The following SHPK variants were observed in gnomAD, a reference collection of about 807,000 sequenced individuals.
The protein encoded by SHPK is sedoheptulokinase, also known as carbohydrate kinase-like protein.
A neutral mutation model predicts 46.3 loss-of-function variants in SHPK; 51 were observed. The observed-to-expected ratio is 1.10, with a 90% CI of 0.88 to 1.39. SHPK has a LOEUF of 1.39. Among genes scored for constraint, SHPK ranks in the 40% most tolerant of loss-of-function variants. SHPK has a pLI of 0.00. For missense variants in SHPK, 668 were observed against 641.3 expected (o/e 1.04, Z -0.45); for synonymous variants, 290 against 273.9 (o/e 1.06, Z -0.58).
At chr17:3,624,305 T>G in intron 2 of SHPK, 74 bp from the exon 3 acceptor site, 2 of 1,343,872 alleles carry the variant, frequency 1.5e-6, no homozygotes, top group Non-Finnish European at 1.0e-6. Flanking sequence ...GATACTACTC[T>G]GCTGGTGAGT....
At chr17:3,623,565 C>G in intron 3 of SHPK, 74 bp from the exon 4 acceptor site, 1 of 1,451,454 alleles carries the variant, frequency 6.9e-7, no homozygotes, top group Non-Finnish European at 9.7e-7. Flanking sequence ...TAGCTGCAGG[C>G]AGCAGGGACC....
chr17:3,614,699 T>A (rs549294744), intron 6 of SHPK, among the ~76,000 whole-genome samples: 2 of 150,012 alleles, frequency 1.3e-5, no homozygotes, highest in Non-Finnish European at 3.0e-5. Flanking sequence ...AAGACAAAAA[T>A]TTGCCAGGCG....
At chr17:3,625,523 C>CA (rs1231422049) in intron 2 of SHPK, among the ~76,000 whole-genome samples, 22 of 152,284 alleles carry the variant, frequency 1.4e-4, no homozygotes, top group African/African-American at 5.3e-4. Flanking sequence ...CAGGTGAGCC[C>CA]AGCCTCCAGC....
Position 3,610,906 on chromosome 17 carries a change from G to C in SHPK, c.1091C>G (p.Thr364Ser), listed in dbSNP as rs764684490. ...CACTGTCGGGGTGATGGTCAGGTGGGTATCTCTCTGCTGCACAGCTGCCTG... is the reference window on the plus strand; with the variant it reads ...CACTGTCGGGGTGATGGTCAGGTGGCTATCTCTCTGCTGCACAGCTGCCTG... The part of the protein sequence containing the change: ...MIQAAVQQRD[T>S]HLTITPTVLG... Residue 364 changes from threonine (T) to serine (S), a missense_variant, in exon 7 of 7, where the codon ACC becomes AGC. Thr to Ser is a moderately conservative substitution (Grantham distance 58, BLOSUM62 1). Coordinates refer to ENST00000225519, the MANE Select transcript of SHPK (RefSeq NM_013276.4). The C allele has an allele frequency of 6.2e-7, 1 of 1,613,988 alleles. No individual in the cohort carries two copies. Among genetic ancestry groups the C allele is most frequent in the Non-Finnish European group, 8.5e-7 (1 of 1,180,010 alleles).
intron 2 of SHPK, among the ~76,000 whole-genome samples, chr17:3,626,891 A>G (rs939329140): frequency 2.0e-5 from 3 of 146,864 alleles, no homozygotes; most frequent in Non-Finnish European, 2.9e-5. Flanking sequence ...GCAAGACTCC[A>G]TCTCAAAAAA....
At chr17:3,624,439 C>A (rs1403850266) in intron 2 of SHPK, among the ~76,000 whole-genome samples, 2 of 152,036 alleles carry the variant, frequency 1.3e-5, no homozygotes, top group African/African-American at 4.8e-5. Context: ...TCACATACTC[C>A]CTCCATTTGC....
intron 1 of SHPK, among the ~76,000 whole-genome samples, chr17:3,634,399 A>G (rs904597361): frequency 1.3e-5 from 2 of 151,614 alleles, no homozygotes; most frequent in Non-Finnish European, 1.5e-5. Context: ...GTGAAACCCC[A>G]TCTCTACCAA....
chr17:3,631,469 TACAATTTAGTATGACAAAAAATA>T (rs1221424733), intron 1 of SHPK, among the ~76,000 whole-genome samples: 2 of 143,826 alleles, frequency 1.4e-5, no homozygotes, highest in East Asian at 4.7e-4. Context: ...TGCACCGGAC[TACAATTTAGTATGACAAAAAATA>T]TACACTATCT....
intron 1 of SHPK, among the ~76,000 whole-genome samples, chr17:3,633,364 G>A (rs2075484932): frequency 6.6e-6 from 1 of 151,090 alleles, no homozygotes; most frequent in Non-Finnish European, 1.5e-5. Flanking sequence ...GACATTTTTG[G>A]TTGTCACATC....
intron 6 of SHPK, among the ~76,000 whole-genome samples, chr17:3,614,860 A>G (rs909005591): frequency 6.8e-6 from 1 of 147,206 alleles, no homozygotes; most frequent in Non-Finnish European, 1.5e-5. Flanking sequence ...AAAAAAAAAA[A>G]AAGAAGAAGA....
chr17:3,635,193 T>TGAAGGAAGGAAGGAAGGAAG (rs1555555958), intron 1 of SHPK, among the ~76,000 whole-genome samples: 2 of 60,532 alleles, frequency 3.3e-5, no homozygotes, highest in Non-Finnish European at 5.8e-5. Flanking sequence ...AAGGAAAGAA[T>TGAAGGAAGGAAGGAAGGAAG]GAAGGAAGGA....
At chr17:3,611,900 T>A (rs1597565955) in intron 6 of SHPK, among the ~76,000 whole-genome samples, 1 of 146,340 alleles carries the variant, frequency 6.8e-6, no homozygotes, top group Non-Finnish European at 1.5e-5. Flanking sequence ...GCCTCCCGGG[T>A]TCCAGCGATT....
At position 3,610,740 on chromosome 17, in the gene SHPK, G is replaced by A; in HGVS notation, c.1257C>T (p.Leu419=). The A allele has an allele frequency of 6.2e-7, 1 of 1,614,092 alleles. No homozygotes were observed. Among genetic ancestry groups the A allele is most frequent in the East Asian group, 2.2e-5 (1 of 44,874 alleles). ...NLHSMLPIQQ[L]QEWGVERVMG... ...TCACCCTCTCCACGCCCCACTCCTG[G>A]AGCTGCTGAATCGGAAGCATGGAGT... is the stretch of plus-strand genomic sequence containing the variant. Residue 419 remains leucine (L), a synonymous_variant, in exon 7 of 7, where the codon CTC becomes CTT. Coordinates refer to ENST00000225519, the MANE Select transcript of SHPK (RefSeq NM_013276.4).
intron 6 of SHPK, 36 bp from the exon 7 acceptor site, chr17:3,611,008 C>T (rs1269491006): frequency 4.5e-6 from 7 of 1,557,566 alleles, no homozygotes; most frequent in South Asian, 1.2e-5. Context: ...TAAGCTCATG[C>T]GTCCCCCTCA....
chr17:3,634,848 C>T (rs1379047834), intron 1 of SHPK, among the ~76,000 whole-genome samples: 1 of 152,034 alleles, frequency 6.6e-6, no homozygotes, highest in South Asian at 2.1e-4. Context: ...CCTAAACAAC[C>T]GTGTCCATGT....
intron 6 of SHPK, among the ~76,000 whole-genome samples, chr17:3,612,913 G>C (rs2075348720): frequency 6.6e-6 from 1 of 152,148 alleles, no homozygotes; most frequent in South Asian, 2.1e-4. Flanking sequence ...CACCACTCCA[G>C]GCTAATTTTT....
At position 3,624,032 on chromosome 17, in the gene SHPK, G is replaced by C. The variant is rs555867850; in HGVS notation, c.494+16C>G. On this transcript the variant is annotated intron_variant, in intron 3 of 6. Transcript: ENST00000225519. ...CCGGAAACCCAGCACCCGAGTGAAAGTGCAGTTGCCCGTACCGATATTTCA... is the reference window on the plus strand; with the variant it reads ...CCGGAAACCCAGCACCCGAGTGAAACTGCAGTTGCCCGTACCGATATTTCA... 1.9e-6 allele frequency: 3 copies of C among 1,588,144 alleles called. No homozygotes were observed. In the East Asian group the frequency reaches 6.8e-5, roughly 36 times the overall value.
rs1458147205 is a variant in SHPK, at chr17:3,621,617, C to CT, written c.648-206dup. Among the ~76,000 whole-genome samples, 25 of 107,246 alleles carry CT rather than the reference C, an allele frequency of 2.3e-4. No individual in the cohort carries two copies. The South Asian group carries it at 4.6e-3, about 20-fold the overall frequency. The allele number at this position is 107,246 out of a possible 152,430, so 70.4% of individuals were successfully genotyped here. A position where few individuals can be genotyped will look rare whatever the true frequency, so the allele number is the denominator to read the frequency against. ...CTCCATTCCTTCCCTCCCTCCCTCC[C>CT]TCCCTTCCTTCCTTCCTTCCTTCTT... On this transcript the variant is annotated intron_variant, in intron 4 of 6. Coordinates refer to ENST00000225519, the MANE Select transcript of SHPK (RefSeq NM_013276.4).
At position 3,623,464 on chromosome 17, in the gene SHPK, T is replaced by A; in HGVS notation, c.522A>T (p.Ala174=). 1 of 1,614,190 alleles carries A rather than the reference T, an allele frequency of 6.2e-7. No individual in the cohort carries two copies. The highest frequency in any genetic ancestry group is 8.5e-7 in the Non-Finnish European group (1 of 1,179,996). The part of the protein sequence containing the change: ...YRPEFLKSYD[A]AGTIHDYVVA... ...CCACATAGTCGTGGATGGTACCGGC[T>A]GCGTCGTAGGACTTCAGGAACTCTG... Residue 174 remains alanine, a synonymous_variant, in exon 4 of 7, where the codon GCA becomes GCT. Coordinates refer to ENST00000225519, the MANE Select transcript of SHPK (RefSeq NM_013276.4).
Sources: allele counts gnomAD v4.1 joint callset (sites outside exome capture counted in the v4.1 genomes callset), GRCh38; gene constraint gnomAD v4.1.1; transcripts MANE v1.5; gene names NCBI Gene and HGNC (gene_info 2026-07-23, HGNC 2026-07-21).